NAV1: variants seen among roughly 807,000 people sequenced by gnomAD.
The protein encoded by NAV1 is neuron navigator 1.
In NAV1, 18 loss-of-function variants were observed where a neutral mutation model predicts 175.2. The observed-to-expected ratio is 0.10, with a 90% confidence interval of 0.07 to 0.15. The LOEUF is 0.15. NAV1 is among the 10% of genes least tolerant of loss of function. The pLI, the probability that NAV1 is intolerant of heterozygous loss-of-function variation, is 1.00. For synonymous variants in NAV1, 897 were observed against 978.7 expected (o/e 0.92, Z 1.56); for missense variants, 1,731 against 2,436.6 (o/e 0.71, Z 6.10).
intron 1 of NAV1, among the ~76,000 whole-genome samples, chr1:201,656,957 C>T (rs913261296): frequency 6.6e-6 from 1 of 152,162 alleles, no homozygotes; most frequent in Non-Finnish European, 1.5e-5. Flanking sequence ...TAACCAGGCC[C>T]CTCCCTTTTG....
intron 3 of NAV1, among the ~76,000 whole-genome samples, chr1:201,771,188 G>A (rs1675553598): frequency 2.0e-5 from 3 of 147,084 alleles, no homozygotes; most frequent in South Asian, 2.1e-4. Context: ...GCAGTGAGCC[G>A]AGATCCCGCC....
chr1:201,604,410 G>A (rs1460975688), intron 2 of NAV1, among the ~76,000 whole-genome samples: 2 of 152,280 alleles, frequency 1.3e-5, no homozygotes, highest in East Asian at 1.9e-4. Context: ...GGTGTACAAC[G>A]GCTCACGCCT....
chr1:201,810,725 C>T lies in NAV1; in HGVS notation c.4764C>T (p.Val1588=), dbSNP rs1460090937. The change falls in exon 24 of 30, where the codon GTC becomes GTT. Residue 1588 remains valine (V), a synonymous_variant. Coordinates refer to ENST00000367296, the Ensembl canonical transcript of NAV1. This position sits in a 1 kb window ranked among gnomAD's most constrained non-coding sequence, Gnocchi z 6.0. ...GCCGTGAGGTCACAGAGGGCATCGT[C>T]AGCACCTTCAACATGCACCAGCAGT... 1.2e-6 allele frequency: 2 copies of T among 1,614,168 alleles called. No homozygotes were observed. Among genetic ancestry groups the T allele is most frequent in the East Asian group, 2.2e-5 (1 of 44,880 alleles).
In NAV1 at chr1:201,782,676, GC is replaced by G; in HGVS notation, c.2166del (p.Ser723ValfsTer33). On this transcript the variant is annotated frameshift_variant, in exon 6 of 30. Transcript: ENST00000367296. LOFTEE classifies it high-confidence loss of function. The surrounding 1 kb of genome is among the most constrained non-coding windows in gnomAD (Gnocchi z 5.4). ...CAGACTGAAGGAGCCTACCAAGGTA[GC>G]CAGTGGGCGGACCACTCCAGCCCCT... 6.2e-7 allele frequency: 1 copy of G among 1,614,174 alleles called. No individual in the cohort carries two copies. The highest frequency in any genetic ancestry group is 8.5e-7 in the Non-Finnish European group (1 of 1,180,028).
At position 201,575,908 on chromosome 1, in the gene NAV1, G is replaced by C. The variant is rs140703876; in HGVS notation, c.-143-12631G>C. ...TTCACTTACTCAATTATTTATTCGT[G>C]CATGCTTTCCACAATTGTTGACTTT... On this transcript the variant is annotated intron_variant, in intron 1 of 33. Coordinates refer to the NAV1 transcript ENST00000685211. Among the ~76,000 whole-genome samples, 42 of 152,252 alleles carry C rather than the reference G, an allele frequency of 2.8e-4. No individual in the cohort carries two copies. In the South Asian group the frequency reaches 6.4e-3, roughly 23 times the overall value.
chr1:201,682,126 A>AAG (rs1266575556), intron 1 of NAV1, among the ~76,000 whole-genome samples: 1 of 151,240 alleles, frequency 6.6e-6, no homozygotes, highest in African/African-American at 2.4e-5. Context: ...AAAAAAAAAA[A>AAG]AAAAAAAAAA....
At chr1:201,683,581 C>T (rs1407419845) in intron 1 of NAV1, among the ~76,000 whole-genome samples, 1 of 152,096 alleles carries the variant, frequency 6.6e-6, no homozygotes, top group Non-Finnish European at 1.5e-5. Context: ...TGCTTGCCTG[C>T]ACACTCATCT....
At chr1:201,734,297 A>G (rs532893006) in intron 3 of NAV1, among the ~76,000 whole-genome samples, 10 of 151,842 alleles carry the variant, frequency 6.6e-5, no homozygotes, top group Non-Finnish European at 8.8e-5. Context: ...GGTCCCAGCA[A>G]CTCAGGAGGC....
chr1:201,779,784 T>C (rs1184172332), intron 3 of NAV1, among the ~76,000 whole-genome samples: 3 of 151,990 alleles, frequency 2.0e-5, no homozygotes, highest in African/African-American at 4.8e-5. Context: ...TTCCAAGCAA[T>C]TGGCAGAGAA....
rs36025020 is a variant in NAV1, at chr1:201,543,323, AT to A, written c.-144+3990del. On this transcript the variant is annotated intron_variant, in intron 1 of 33. Transcript: ENST00000685211. ...ATCTTCTATTTCTAGTTTTCTAATC[AT>A]TTTTTTTTAATCACAAAGGGGTGTT... 1.4e-4 allele frequency among the ~76,000 whole-genome samples: 21 copies of A among 150,492 alleles called. No individual in the cohort carries two copies. The East Asian group carries it at 1.8e-3, about 13-fold the overall frequency.
chr1:201,764,033 C>T (rs1187308736), intron 3 of NAV1, among the ~76,000 whole-genome samples: 2 of 152,142 alleles, frequency 1.3e-5, no homozygotes, highest in African/African-American at 2.4e-5. Flanking sequence ...TTTCTCAATC[C>T]ATAGCTTCTA....
chr1:201,786,510 G>A, exon 9 of NAV1: 1 of 1,614,044 alleles, frequency 6.2e-7, no homozygotes, highest in South Asian at 1.1e-5. Context: ...CCGATGACCA[G>A]TCAGAGCTGC....
chr1:201,549,079 CTTT>C (rs1224968852), intron 1 of NAV1, among the ~76,000 whole-genome samples: 5 of 25,316 alleles, frequency 2.0e-4, no homozygotes, highest in Admixed American at 4.7e-4. Context: ...CTAGTTTTCT[CTTT>C]CTTTCTTTCT....
rs575133394 is a variant in NAV1 at position 201,546,073 on chromosome 1, G to T, written c.-144+6731G>T. ...CTCTTCCTGCTTTTCCTTTAACAAA[G>T]GAGAGACAGCTGATGAGACACACGG... On this transcript the variant is annotated intron_variant, in intron 1 of 33. Coordinates refer to the NAV1 transcript ENST00000685211. 2.7e-4 allele frequency among the ~76,000 whole-genome samples: 41 copies of T among 152,298 alleles called. 1 individual carries two copies. In the South Asian group the frequency reaches 8.5e-3, roughly 32 times the overall value.
chr1:201,554,130 A>G (rs539304118), intron 1 of NAV1, among the ~76,000 whole-genome samples: 1 of 152,194 alleles, frequency 6.6e-6, no homozygotes, highest in South Asian at 2.1e-4. Flanking sequence ...GGAAGTTCAG[A>G]TCATTTGTAG....
intron 2 of NAV1, among the ~76,000 whole-genome samples, chr1:201,611,343 G>A (rs549436453): frequency 2.7e-4 from 41 of 152,274 alleles, no homozygotes; most frequent in Middle Eastern, 3.4e-3. Flanking sequence ...TCCCCACCAC[G>A]ACATCTCAGC....
chr1:201,659,753 G>A (rs745604465), intron 1 of NAV1, among the ~76,000 whole-genome samples: 2 of 152,250 alleles, frequency 1.3e-5, no homozygotes, highest in Non-Finnish European at 2.9e-5. Context: ...CTGGCTTGGA[G>A]CCCTCCGAGC....
chr1:201,562,547 C>T (rs554575775), intron 1 of NAV1, among the ~76,000 whole-genome samples: 141 of 152,246 alleles, frequency 9.3e-4, no homozygotes, highest in African/African-American at 3.3e-3. Context: ...TGGGCCAGGC[C>T]CAGGTGGGCA....
chr1:201,591,831 T>A (rs2102214438), intron 2 of NAV1, among the ~76,000 whole-genome samples: 1 of 152,096 alleles, frequency 6.6e-6, no homozygotes, highest in East Asian at 1.9e-4. Context: ...GGAAGGGACA[T>A]GGACTCAAAC....
Sources: allele counts gnomAD v4.1 joint callset (sites outside exome capture counted in the v4.1 genomes callset), GRCh38; gene constraint gnomAD v4.1.1; non-coding constraint Gnocchi (gnomAD v3.1); transcripts MANE v1.5; gene names NCBI Gene and HGNC (gene_info 2026-07-23, HGNC 2026-07-21).